The following ALG11 variants were observed in gnomAD, a reference collection of about 807,000 sequenced individuals.
ALG11 encodes ALG11 alpha-1,2-mannosyltransferase.
In ALG11, 26 loss-of-function variants were observed where a neutral mutation model predicts 38.8. The observed-to-expected ratio is 0.67, with a 90% CI of 0.49 to 0.93. The LOEUF (loss-of-function observed/expected upper bound fraction) is 0.93, where lower values mean the gene tolerates loss of function less well. ALG11 is among the 40% of genes least tolerant of loss of function. The pLI is 0.00. For synonymous variants in ALG11, 199 were observed against 211.6 expected (o/e 0.94, Z 0.52); for missense variants, 535 against 578.8 (o/e 0.92, Z 0.78).
intron 3 of ALG11, among the ~76,000 whole-genome samples, chr13:52,025,740 CAT>C (rs1348478333): frequency 2.6e-5 from 4 of 152,204 alleles, no homozygotes; most frequent in Admixed American, 1.3e-4. Context: ...TTTGGGTCCA[CAT>C]ATATTTCTCA....
At position 52,029,677 on chromosome 13, in the gene ALG11, G is replaced by T; in HGVS notation, c.*1087G>T. Reference sequence around the variant, plus strand: ...AAAAAATTGAAAATGCCAGAATGATGGAAAGAATGAGCCTTAAGCACCAAA... The same window carrying T: ...AAAAAATTGAAAATGCCAGAATGATTGAAAGAATGAGCCTTAAGCACCAAA... On this transcript the variant is annotated 3_prime_UTR_variant, in exon 4 of 4. Transcript: ENST00000521508. 3 of 1,614,214 alleles carry T rather than the reference G, an allele frequency of 1.9e-6. No individual in the cohort carries two copies. Among genetic ancestry groups the T allele is most frequent in the Non-Finnish European group, 2.5e-6 (3 of 1,180,046 alleles).
At chr13:52,025,073 C>T (rs1954227895) in intron 3 of ALG11, 136 bp downstream of exon 3, 1 of 963,728 alleles carries the variant, frequency 1.0e-6, no homozygotes, top group Non-Finnish European at 1.6e-6. Flanking sequence ...GTGCTTTCCT[C>T]ACTTGAGACC....
intron 2 of ALG11, chr13:52,023,152 C>T (rs746889532): frequency 6.6e-6 from 1 of 152,102 alleles, no homozygotes; most frequent in Non-Finnish European, 1.5e-5. Context: ...GTATTGTGAT[C>T]CTATCTGAAG....
At chr13:52,016,402 TG>T (rs1039746333) in intron 1 of ALG11, 1 of 152,116 alleles carries the variant, frequency 6.6e-6, no homozygotes, top group African/African-American at 2.4e-5. Flanking sequence ...CTGAAGACCA[TG>T]GGGGAAAATG....
rs1457058839 is a variant in ALG11, at chr13:52,024,429, G to T, written c.699G>T (p.Lys233Asn). Reference protein sequence around the residue: ...ITRNPFLSKVKLIYYYLFAFI... With the variant: ...ITRNPFLSKVNLIYYYLFAFI... Reference sequence around the variant, plus strand: ...GGAATCCTTTTCTCAGCAAAGTAAAGCTCATCTACTACTATTTATTTGCTT... The same window carrying T: ...GGAATCCTTTTCTCAGCAAAGTAAATCTCATCTACTACTATTTATTTGCTT... The change falls in exon 3 of 4, where the codon AAG (lysine) becomes AAT (asparagine). Residue 233 changes from lysine (K) to asparagine (N), a missense_variant. Physicochemically the swap from Lys to Asn is moderately conservative, Grantham distance 94. Transcript: ENST00000521508. 6.2e-7 allele frequency: 1 copy of T among 1,613,846 alleles called. No individual in the cohort carries two copies.
At chr13:52,012,522 T>C in intron 1 of ALG11, 60 bp downstream of exon 1, 1 of 1,612,296 alleles carries the variant, frequency 6.2e-7, no homozygotes, top group South Asian at 1.1e-5. Context: ...TACTTGCCCG[T>C]CCAGTGTAGC....
rs1197139640 is a variant in ALG11, at chr13:52,031,305, C to T, written c.*2715C>T. 2.6e-6 allele frequency: 2 copies of T among 770,294 alleles called. No homozygotes were observed. The highest frequency in any genetic ancestry group is 6.2e-5 in the Admixed American group (2 of 32,394). The allele number at this position is 770,294 out of a possible 1,614,324, so 47.7% of individuals were successfully genotyped here. ...TCAGACATTAGAACACAGAAAAATT[C>T]TAGTACATTTAAATTCTAAACAATA... On this transcript the variant is annotated 3_prime_UTR_variant, in exon 4 of 4. Transcript: ENST00000521508.
Position 52,031,075 on chromosome 13 carries a change from C to G in ALG11, c.*2485C>G. On this transcript the variant is annotated 3_prime_UTR_variant, in exon 4 of 4. Coordinates refer to ENST00000521508, the MANE Select transcript of ALG11 (RefSeq NM_001004127.3). ...TACAGAGGAATCCAAAACGAATCAC[C>G]ACACGTCACAATAAAGAAGAAAAAC... 1 of 1,613,462 alleles carries G rather than the reference C, an allele frequency of 6.2e-7. No individual in the cohort carries two copies. The highest frequency in any genetic ancestry group is 1.1e-5 in the South Asian group (1 of 91,050).
intron 1 of ALG11, among the ~76,000 whole-genome samples, chr13:52,018,026 A>G (rs1954149625): frequency 6.6e-6 from 1 of 152,262 alleles, no homozygotes; most frequent in Non-Finnish European, 1.5e-5. Context: ...AAAAATATTA[A>G]GTTAGATTCC....
intron 1 of ALG11, 22 bp downstream of exon 1, chr13:52,012,484 C>G: frequency 6.2e-7 from 1 of 1,614,050 alleles, no homozygotes; most frequent in Non-Finnish European, 8.5e-7. Flanking sequence ...GTCGTGTGGG[C>G]TCACAGACGT....
chr13:52,018,558 A>G (rs144798073), intron 1 of ALG11, among the ~76,000 whole-genome samples: 2 of 152,350 alleles, frequency 1.3e-5, no homozygotes, highest in African/African-American at 4.8e-5. Flanking sequence ...ATGACAGTAT[A>G]TAACACATTC....
At position 52,033,399 on chromosome 13, in the gene ALG11, G is replaced by T. The variant is rs1954325702; in HGVS notation, c.*4809G>T. On this transcript the variant is annotated 3_prime_UTR_variant, in exon 4 of 4. Transcript: ENST00000521508. ...ATTATTTAGATTTGTATTTAGACAT[G>T]ATTTATATCTAATATAGATACAAAG... The T allele has an allele frequency of 6.0e-6, 1 of 166,962 alleles. No individual in the cohort carries two copies. 10.3% of individuals were successfully genotyped at this position (166,962 alleles called of 1,614,324 possible). A position where few individuals can be genotyped will look rare whatever the true frequency, so the allele number is the denominator to read the frequency against.
At position 52,028,422 on chromosome 13, in the gene ALG11, T is replaced by C; in HGVS notation, c.1311T>C (p.Phe437=). ...CTCACGAAGGAGATATAACTGGCTT[T>C]CTGGCTGAGAGTGAAGAAGACTATG... ...VVPHEGDITG[F]LAESEEDYAE... Residue 437 remains phenylalanine (F), a synonymous_variant, in exon 4 of 4, where the codon TTT becomes TTC. Transcript: ENST00000521508. The C allele has an allele frequency of 6.2e-7, 1 of 1,614,196 alleles. No individual in the cohort carries two copies. Among genetic ancestry groups the C allele is most frequent in the South Asian group, 1.1e-5 (1 of 91,080 alleles).
intron 3 of ALG11, among the ~76,000 whole-genome samples, chr13:52,025,930 ACCT>A (rs1188614280): frequency 1.3e-5 from 2 of 152,180 alleles, no homozygotes; most frequent in Admixed American, 6.5e-5. Context: ...ATGGGATCTG[ACCT>A]CCTGTGCTTC....
At position 52,031,026 on chromosome 13, in the gene ALG11, C is replaced by T. The variant is rs764432307; in HGVS notation, c.*2436C>T. ...GCAGAGGATGTGGGCTACCAGTCTT[C>T]CTCAAGGTCAGACCTGCCTGTCATA... On this transcript the variant is annotated 3_prime_UTR_variant, in exon 4 of 4. Transcript: ENST00000521508. 6.2e-7 allele frequency: 1 copy of T among 1,614,200 alleles called. No homozygotes were observed. Among genetic ancestry groups the T allele is most frequent in the Non-Finnish European group, 8.5e-7 (1 of 1,180,024 alleles).
At position 52,031,433 on chromosome 13, in the gene ALG11, A is replaced by G; in HGVS notation, c.*2843A>G. The stretch of plus-strand genomic sequence containing the variant: ...TCAAAGCATACAGTCAAGAGGTGGG[A>G]CTGACTGATGCTTTATAGGTGTGTG... On this transcript the variant is annotated 3_prime_UTR_variant, in exon 4 of 4. Coordinates refer to ENST00000521508, the MANE Select transcript of ALG11 (RefSeq NM_001004127.3). 3.4e-6 allele frequency: 1 copy of G among 292,348 alleles called. No individual in the cohort carries two copies. The highest frequency in any genetic ancestry group is 6.0e-5 in the South Asian group (1 of 16,662). 18.1% of individuals were successfully genotyped at this position (292,348 alleles called of 1,614,324 possible).
In ALG11 at chr13:52,030,980, CA is replaced by C. The variant is rs749080878; in HGVS notation, c.*2391del. The C allele has an allele frequency of 6.2e-7, 1 of 1,614,020 alleles. No homozygotes were observed. The highest frequency in any genetic ancestry group is 8.5e-7 in the Non-Finnish European group (1 of 1,180,038). Reference sequence around the variant, plus strand: ...TCCCAAGGTCGTCACCAAGCCAGGCCATATCATTAAGCCCATAAAAGCAGAG... The same window carrying C: ...TCCCAAGGTCGTCACCAAGCCAGGCCTATCATTAAGCCCATAAAAGCAGAG... On this transcript the variant is annotated 3_prime_UTR_variant, in exon 4 of 4. Coordinates refer to ENST00000521508, the MANE Select transcript of ALG11 (RefSeq NM_001004127.3).
At chr13:52,025,621 TCTC>T (rs539538766) in intron 3 of ALG11, among the ~76,000 whole-genome samples, 175 of 152,358 alleles carry the variant, frequency 1.1e-3, no homozygotes, top group African/African-American at 4.0e-3. Context: ...TCAACTTAAA[TCTC>T]CTTGCACTTT....
In ALG11 at chr13:52,030,771, C is replaced by T. The variant is rs766374329; in HGVS notation, c.*2181C>T. On this transcript the variant is annotated 3_prime_UTR_variant, in exon 4 of 4. Transcript: ENST00000521508. ...TTTCTCATTAAAGCCCCTGAGGGTCCTCCAAGAAAAGATAAGAATTTGCCA... is the reference window on the plus strand; with the variant it reads ...TTTCTCATTAAAGCCCCTGAGGGTCTTCCAAGAAAAGATAAGAATTTGCCA... 1.9e-6 allele frequency: 3 copies of T among 1,614,054 alleles called. No individual in the cohort carries two copies. The highest frequency in any genetic ancestry group is 2.5e-6 in the Non-Finnish European group (3 of 1,180,054).
Sources: allele counts gnomAD v4.1 joint callset (sites outside exome capture counted in the v4.1 genomes callset), GRCh38; gene constraint gnomAD v4.1.1; transcripts MANE v1.5; gene names NCBI Gene and HGNC (gene_info 2026-07-23, HGNC 2026-07-21).